Variants in LRRC37A2 observed in about 807,000 individuals in gnomAD.
LRRC37A2 encodes the protein leucine rich repeat containing 37 member A2.
Under a neutral mutation model 68.8 loss-of-function variants are expected in LRRC37A2, and 9 were observed. The observed-to-expected ratio is 0.13, with a 90% CI of 0.08 to 0.23. The LOEUF (loss-of-function observed/expected upper bound fraction) is 0.23, where lower values mean the gene tolerates loss of function less well. Among genes scored for constraint, LRRC37A2 ranks in the 10% least tolerant of loss-of-function variants. LRRC37A2 has a pLI of 1.00. For synonymous variants in LRRC37A2, 63 were observed against 367.6 expected (o/e 0.17, Z 9.48); for missense variants, 168 against 950.4 (o/e 0.18, Z 10.82).
the LRRC37A2 span, among the ~76,000 whole-genome samples, chr17:46,841,106 C>T: frequency 1.3e-5 from 2 of 152,104 alleles, no homozygotes; most frequent in South Asian, 2.1e-4. Context: ...AAGAGGGTGC[C>T]GACAGACAAG....
At chr17:46,685,499 A>G in the LRRC37A2 span, among the ~76,000 whole-genome samples, 9 of 152,024 alleles carry the variant, frequency 5.9e-5, no homozygotes, top group Non-Finnish European at 1.2e-4. Flanking sequence ...AGGTCAAACT[A>G]GTTAAATATA....
At chr17:46,948,568 T>G in the LRRC37A2 span, 1 of 152,264 alleles carries the variant, frequency 6.6e-6, no homozygotes, top group Non-Finnish European at 1.5e-5. Context: ...TCTCCCAGCC[T>G]CAGTGTCCTC....
At chr17:46,849,849 C>CTTTTTTTTTTTTTTT in the LRRC37A2 span, among the ~76,000 whole-genome samples, 1 of 145,748 alleles carries the variant, frequency 6.9e-6, no homozygotes. Flanking sequence ...CATTTAATAT[C>CTTTTTTTTTTTTTTT]TTTTTTTTTT....
Position 46,550,916 on chromosome 17 carries a change from G to A in LRRC37A2, c.4809+397G>A, listed in dbSNP as rs543466957. ...CACGGAGTTGTCATCACCCTGGAGA[G>A]GAAGGAGAGAGCCAAAAGACATACG... On this transcript the variant is annotated intron_variant, in intron 11 of 14. Coordinates refer to ENST00000576629, the Ensembl canonical transcript of LRRC37A2. Among the ~76,000 whole-genome samples the A allele has an allele frequency of 1.3e-4, 20 of 148,452 alleles. No individual in the cohort carries two copies. The East Asian group carries it at 3.7e-3, about 28-fold the overall frequency.
chr17:46,743,292 G>A, the LRRC37A2 span, among the ~76,000 whole-genome samples: 9 of 152,126 alleles, frequency 5.9e-5, no homozygotes, highest in East Asian at 9.6e-4. Context: ...TGACCTAACC[G>A]TATGGATTCC....
the LRRC37A2 span, among the ~76,000 whole-genome samples, chr17:46,973,620 C>A: frequency 6.6e-6 from 1 of 152,182 alleles, no homozygotes; most frequent in Non-Finnish European, 1.5e-5. Flanking sequence ...GAACACCCCG[C>A]AATGCTGTCA....
At chr17:46,938,865 G>T in the LRRC37A2 span, 2 of 1,582,806 alleles carry the variant, frequency 1.3e-6, no homozygotes, top group Non-Finnish European at 1.7e-6. Context: ...ATGTTTGCCT[G>T]TCTGAACTGT....
the LRRC37A2 span, among the ~76,000 whole-genome samples, chr17:46,957,633 C>T: frequency 6.6e-6 from 1 of 152,148 alleles, no homozygotes; most frequent in East Asian, 1.9e-4. Context: ...AACAAACAAA[C>T]AAACAAAACC....
At chr17:46,572,966 C>T in the LRRC37A2 span, among the ~76,000 whole-genome samples, 1 of 92,112 alleles carries the variant, frequency 1.1e-5, no homozygotes, top group East Asian at 3.3e-4. Context: ...AAGGAAAGGA[C>T]AGAAAAGGGA....
At chr17:46,847,696 C>T in the LRRC37A2 span, among the ~76,000 whole-genome samples, 6 of 152,170 alleles carry the variant, frequency 3.9e-5, no homozygotes, top group African/African-American at 1.4e-4. Context: ...TCATCTGTTC[C>T]ACTTCCTGTT....
chr17:46,880,074 G>A, the LRRC37A2 span, among the ~76,000 whole-genome samples: 7 of 152,192 alleles, frequency 4.6e-5, no homozygotes, highest in South Asian at 2.1e-4. Flanking sequence ...AGTCAGCTGC[G>A]CTGGCAGACT....
the LRRC37A2 span, among the ~76,000 whole-genome samples, chr17:46,811,882 G>A: frequency 2.0e-5 from 3 of 152,172 alleles, no homozygotes; most frequent in Admixed American, 6.5e-5. Context: ...GCTTGAACTC[G>A]GGAGGCAGAA....
chr17:46,911,586 T>C, the LRRC37A2 span: 1 of 152,222 alleles, frequency 6.6e-6, no homozygotes, highest in Non-Finnish European at 1.5e-5. Flanking sequence ...TTGTTTCTCA[T>C]CTGCAAATTA....
At chr17:46,722,726 A>T in the LRRC37A2 span, among the ~76,000 whole-genome samples, 1 of 152,300 alleles carries the variant, frequency 6.6e-6, no homozygotes, top group African/African-American at 2.4e-5. Context: ...TAGTGACTAG[A>T]TAAGGAAGAA....
chr17:46,773,654 C>T, the LRRC37A2 span: 3 of 1,226,688 alleles, frequency 2.4e-6, no homozygotes, highest in Non-Finnish European at 2.2e-6. Context: ...CCCCCCTCAG[C>T]CCCAAGGCAG....
the LRRC37A2 span, among the ~76,000 whole-genome samples, chr17:46,709,619 C>T: frequency 6.6e-6 from 1 of 151,940 alleles, no homozygotes; most frequent in Non-Finnish European, 1.5e-5. Context: ...CTCAGCCTCC[C>T]AAGTAGCTGG....
the LRRC37A2 span, among the ~76,000 whole-genome samples, chr17:46,758,001 G>GA: frequency 0.15 from 20,213 of 137,722 alleles, 1,814 homozygotes; most frequent in Non-Finnish European, 0.22. Flanking sequence ...CTCAGAAAAA[G>GA]AAAAAAAAAA....
chr17:46,676,235 T>TC, the LRRC37A2 span, among the ~76,000 whole-genome samples: 10 of 111,736 alleles, frequency 8.9e-5, no homozygotes, highest in East Asian at 1.0e-3. Flanking sequence ...TTCTTCTTCT[T>TC]TTTTTTTTTT....
the LRRC37A2 span, chr17:46,876,881 CT>C: frequency 7.2e-7 from 1 of 1,392,830 alleles, no homozygotes. Context: ...CTTGGCCAGC[CT>C]TTTGCCTCCC....
Sources: allele counts gnomAD v4.1 joint callset (sites outside exome capture counted in the v4.1 genomes callset), GRCh38; gene constraint gnomAD v4.1.1; transcripts MANE v1.5; gene names NCBI Gene and HGNC (gene_info 2026-07-23, HGNC 2026-07-21).